The following PRKCA variants were observed in gnomAD, a reference collection of about 807,000 sequenced individuals.
PRKCA encodes the protein protein kinase C alpha type.
Under a neutral mutation model 87.0 loss-of-function variants are expected in PRKCA, and 27 were observed. The observed-to-expected ratio is 0.31, with a 90% CI of 0.23 to 0.43. PRKCA has a LOEUF of 0.43. Ranked by LOEUF, PRKCA falls within the 20% of genes least tolerant of loss-of-function variation. PRKCA has a pLI of 1.00. For missense variants in PRKCA, 518 were observed against 852.3 expected (o/e 0.61, Z 4.88); for synonymous variants, 329 against 311.1 (o/e 1.06, Z -0.61).
intron 3 of PRKCA, among the ~76,000 whole-genome samples, chr17:66,619,187 A>G (rs1216748204): frequency 1.3e-5 from 2 of 152,180 alleles, no homozygotes; most frequent in African/African-American, 4.8e-5. Context: ...AGATGGCTCA[A>G]TTGAGTCTCT....
intron 2 of PRKCA, among the ~76,000 whole-genome samples, chr17:66,376,183 G>T (rs1366344223): frequency 6.6e-6 from 1 of 152,136 alleles, no homozygotes; most frequent in Non-Finnish European, 1.5e-5. Flanking sequence ...AGGAATCAGT[G>T]TTTAACCACC....
intron 2 of PRKCA, among the ~76,000 whole-genome samples, chr17:66,478,093 A>C (rs1475518055): frequency 6.6e-6 from 1 of 152,180 alleles, no homozygotes; most frequent in Non-Finnish European, 1.5e-5. Flanking sequence ...TTCAATGTTT[A>C]AAGGGGAAGG....
At chr17:66,345,168 A>G (rs1056995543) in intron 2 of PRKCA, among the ~76,000 whole-genome samples, 1 of 152,232 alleles carries the variant, frequency 6.6e-6, no homozygotes, top group African/African-American at 2.4e-5. Context: ...TGCTTTGGAA[A>G]TAGCAAAATA....
chr17:66,342,080 G>A (rs972938939), intron 2 of PRKCA, among the ~76,000 whole-genome samples: 1 of 152,196 alleles, frequency 6.6e-6, no homozygotes, highest in African/African-American at 2.4e-5. Flanking sequence ...CAGCGACTAA[G>A]TCAGTTGTGG....
At chr17:66,469,528 T>G (rs1185175556) in intron 2 of PRKCA, among the ~76,000 whole-genome samples, 1 of 152,228 alleles carries the variant, frequency 6.6e-6, no homozygotes, top group Non-Finnish European at 1.5e-5. Flanking sequence ...TCTAGGTATC[T>G]GAGCAATTCA....
intron 13 of PRKCA, among the ~76,000 whole-genome samples, chr17:66,753,277 T>C (rs1009159333): frequency 1.3e-5 from 2 of 152,196 alleles, no homozygotes; most frequent in African/African-American, 4.8e-5. Context: ...GACAACAACC[T>C]GGGTACTCAG....
intron 8 of PRKCA, among the ~76,000 whole-genome samples, chr17:66,699,451 A>C (rs1168344084): frequency 2.6e-5 from 4 of 152,222 alleles, no homozygotes; most frequent in African/African-American, 9.6e-5. Flanking sequence ...ATTTCTAGAA[A>C]CATACAACCT....
chr17:66,302,731 C>T lies in PRKCA; in HGVS notation c.-121C>T. ...CGCCCCCTCGCCGCGACCTCGGCCA[C>T]CGGCCCGCGCCCCGCGCCCGGGGTC... On this transcript the variant is annotated 5_prime_UTR_variant, in exon 1 of 17. Transcript: ENST00000413366. 5.7e-6 allele frequency: 4 copies of T among 706,834 alleles called. No homozygotes were observed. Among genetic ancestry groups the T allele is most frequent in the Non-Finnish European group, 7.0e-6 (4 of 569,080 alleles). 43.8% of individuals were successfully genotyped at this position (706,834 alleles called of 1,614,324 possible). A position where few individuals can be genotyped will look rare whatever the true frequency, so the allele number is the denominator to read the frequency against.
intron 8 of PRKCA, among the ~76,000 whole-genome samples, chr17:66,706,973 A>G (rs1973208470): frequency 6.6e-6 from 1 of 152,208 alleles, no homozygotes; most frequent in Non-Finnish European, 1.5e-5. Flanking sequence ...ATGGGGAAAC[A>G]AAAGCAAAAG....
At chr17:66,497,496 C>CA (rs773923259) in intron 3 of PRKCA, among the ~76,000 whole-genome samples, 94 of 112,088 alleles carry the variant, frequency 8.4e-4, no homozygotes, top group Admixed American at 2.0e-3. Context: ...AACTCCGTCT[C>CA]AAAAAAAAAA....
At chr17:66,471,582 G>GTAAA (rs953361396) in intron 2 of PRKCA, among the ~76,000 whole-genome samples, 1 of 151,448 alleles carries the variant, frequency 6.6e-6, no homozygotes, top group African/African-American at 2.4e-5. Context: ...GAGAGCAAAT[G>GTAAA]TAAAACACAT....
In PRKCA at chr17:66,655,424, A is replaced by G. The variant is rs571995003; in HGVS notation, c.529+9913A>G. ...GCCCACCAGTGTTTCTTCCCTCCTCACTTTTGCTTGTGCCATTTTCCCTGC... is the reference window on the plus strand; with the variant it reads ...GCCCACCAGTGTTTCTTCCCTCCTCGCTTTTGCTTGTGCCATTTTCCCTGC... On this transcript the variant is annotated intron_variant, in intron 5 of 16. Transcript: ENST00000413366. Among the ~76,000 whole-genome samples the G allele has an allele frequency of 2.0e-4, 31 of 151,656 alleles. 1 individual carries two copies. In the South Asian group the frequency reaches 5.8e-3, roughly 29 times the overall value.
chr17:66,391,391 G>C (rs1033078845), intron 2 of PRKCA, among the ~76,000 whole-genome samples: 2 of 152,106 alleles, frequency 1.3e-5, no homozygotes, highest in African/African-American at 4.8e-5. Flanking sequence ...TCCTTACACA[G>C]CTCCTCCTCA....
At chr17:66,324,099 CAAAG>C (rs1567771907) in intron 2 of PRKCA, among the ~76,000 whole-genome samples, 1 of 151,710 alleles carries the variant, frequency 6.6e-6, no homozygotes, top group African/African-American at 2.4e-5. Flanking sequence ...CATCTGGTGG[CAAAG>C]AAAGCAGGAG....
intron 3 of PRKCA, among the ~76,000 whole-genome samples, chr17:66,539,069 C>G (rs939845751): frequency 1.3e-5 from 2 of 152,224 alleles, no homozygotes; most frequent in East Asian, 1.9e-4. Context: ...TCAACACTTA[C>G]CAAAGCTCAT....
intron 5 of PRKCA, among the ~76,000 whole-genome samples, chr17:66,651,736 G>A (rs1971595238): frequency 6.6e-6 from 1 of 152,300 alleles, no homozygotes; most frequent in East Asian, 1.9e-4. Flanking sequence ...GGGAGAGGGT[G>A]CTGGCAAGAA....
chr17:66,801,768 C>T (rs1184381486), intron 16 of PRKCA, among the ~76,000 whole-genome samples: 1 of 152,182 alleles, frequency 6.6e-6, no homozygotes, highest in Non-Finnish European at 1.5e-5. Flanking sequence ...GACAGTAAGC[C>T]TCATGTCTGT....
intron 3 of PRKCA, among the ~76,000 whole-genome samples, chr17:66,501,262 C>A (rs185024636): frequency 1.9e-4 from 29 of 152,254 alleles, no homozygotes; most frequent in African/African-American, 6.5e-4. Flanking sequence ...TGAGAGTATG[C>A]ATTAGTGCAG....
chr17:66,446,953 C>A (rs368319357), intron 2 of PRKCA, among the ~76,000 whole-genome samples: 1 of 152,162 alleles, frequency 6.6e-6, no homozygotes, highest in Non-Finnish European at 1.5e-5. Flanking sequence ...TGTCACCCAG[C>A]GATTTCTAAA....
Sources: gnomAD v4.1 joint callset for allele counts (sites outside exome capture counted in the v4.1 genomes callset) on GRCh38, gnomAD v4.1.1 for gene constraint, MANE v1.5 for transcripts, NCBI Gene and HGNC (gene_info 2026-07-23, HGNC 2026-07-21) for gene names.